The following RYR2 variants were observed in gnomAD, a reference collection of about 807,000 sequenced individuals.
RYR2 encodes cardiac muscle ryanodine receptor-calcium release channel.
Under a neutral mutation model 601.1 loss-of-function variants are expected in RYR2, and 227 were observed. The ratio of observed to expected loss-of-function variants is 0.38; its 90% CI spans 0.34 to 0.42. The LOEUF (loss-of-function observed/expected upper bound fraction) is 0.42. Ranked by LOEUF, RYR2 falls within the 10% of genes least tolerant of loss-of-function variation. The pLI is 1.00. For synonymous variants in RYR2, 2,223 were observed against 2,175.1 expected (o/e 1.02, Z -0.61); for missense variants, 4,646 against 6,156.5 (o/e 0.75, Z 8.21).
At chr1:237,705,488 A>G (rs1040793270) in intron 67 of RYR2, 145 bp downstream of exon 67, 5 of 684,252 alleles carry the variant, frequency 7.3e-6, no homozygotes, top group Admixed American at 2.8e-5. Context: ...TTGGTATTCT[A>G]TGTGATGTAC....
chr1:237,589,225 G>A (rs1378315524), intron 29 of RYR2, among the ~76,000 whole-genome samples: 2 of 152,004 alleles, frequency 1.3e-5, no homozygotes, highest in Non-Finnish European at 2.9e-5. Context: ...CAGAAAAAAA[G>A]CAAAATTTTC....
chr1:237,567,312 G>A (rs116125917), intron 28 of RYR2, among the ~76,000 whole-genome samples: 4,250 of 151,326 alleles, frequency 0.028, 76 homozygotes, highest in Admixed American at 0.045. Context: ...TAATATGGGC[G>A]AGGTGCCTGT....
At chr1:237,063,548 T>A (rs1024382940) in intron 1 of RYR2, among the ~76,000 whole-genome samples, 2 of 152,154 alleles carry the variant, frequency 1.3e-5, no homozygotes, top group East Asian at 3.9e-4. Flanking sequence ...ATTTATCCTC[T>A]CTTTTTGTGC....
At chr1:237,205,552 T>G (rs1350324899) in intron 1 of RYR2, among the ~76,000 whole-genome samples, 1 of 152,070 alleles carries the variant, frequency 6.6e-6, no homozygotes, top group African/African-American at 2.4e-5. Flanking sequence ...TGGTCCAGGG[T>G]GAGGGCCACA....
intron 1 of RYR2, among the ~76,000 whole-genome samples, chr1:237,155,987 T>G (rs764749134): frequency 1.3e-5 from 2 of 152,184 alleles, no homozygotes; most frequent in Non-Finnish European, 2.9e-5. Flanking sequence ...TCCTGGGCAT[T>G]TACCCTGCTG....
At chr1:237,526,636 C>T (rs1342803863) in intron 24 of RYR2, among the ~76,000 whole-genome samples, 1 of 152,184 alleles carries the variant, frequency 6.6e-6, no homozygotes, top group Non-Finnish European at 1.5e-5. Flanking sequence ...CATGAACCAC[C>T]ATGCCTGACC....
chr1:237,573,216 A>G (rs924836942), intron 29 of RYR2, among the ~76,000 whole-genome samples: 8 of 125,618 alleles, frequency 6.4e-5, no homozygotes, highest in Admixed American at 5.6e-4. Context: ...ATTATTATCT[A>G]TGGAGATATA....
Position 237,772,117 on chromosome 1 carries a change from A to G in RYR2, c.11646+17A>G. 2 of 1,317,898 alleles carry G rather than the reference A, an allele frequency of 1.5e-6. No homozygotes were observed. Among genetic ancestry groups the G allele is most frequent in the Non-Finnish European group, 2.1e-6 (2 of 935,526 alleles). 81.6% of individuals were successfully genotyped at this position (1,317,898 alleles called of 1,614,324 possible). A position where few individuals can be genotyped will look rare whatever the true frequency, so the allele number is the denominator to read the frequency against. The stretch of plus-strand genomic sequence containing the variant: ...AGAGTTCAGGTATGTTGCTTTCCAT[A>G]TTAGTAACAAATTAAAAGGGTTGGT... On this transcript the variant is annotated intron_variant, in intron 86 of 104. Coordinates refer to ENST00000366574, the MANE Select transcript of RYR2 (RefSeq NM_001035.3).
At chr1:237,233,985 C>A (rs766605222) in intron 1 of RYR2, among the ~76,000 whole-genome samples, 2 of 152,148 alleles carry the variant, frequency 1.3e-5, no homozygotes, top group Non-Finnish European at 2.9e-5. Context: ...AGCCACTGCA[C>A]CCAGCTGACA....
At chr1:237,097,886 A>T (rs1572623308) in intron 1 of RYR2, among the ~76,000 whole-genome samples, 1 of 152,048 alleles carries the variant, frequency 6.6e-6, no homozygotes, top group East Asian at 1.9e-4. Context: ...AGTGCCCCCA[A>T]TCCTGTTGGC....
intron 47 of RYR2, among the ~76,000 whole-genome samples, chr1:237,641,668 A>C (rs483864): frequency 0.49 from 74,967 of 151,666 alleles, 18,835 homozygotes; most frequent in East Asian, 0.8. Context: ...CAGCCTCCTG[A>C]GTAGCTGGGA....
At chr1:237,687,378 TTTTTTTA>T in intron 62 of RYR2, 70 bp from the exon 63 acceptor site, 1 of 645,596 alleles carries the variant, frequency 1.5e-6, no homozygotes, top group Non-Finnish European at 2.5e-6. Context: ...TTTTTTTTTT[TTTTTTTA>T]ATTTCCCCCT....
chr1:237,783,146 ATCTGG>A (rs1039244991), intron 89 of RYR2, among the ~76,000 whole-genome samples: 2 of 152,098 alleles, frequency 1.3e-5, no homozygotes, highest in Non-Finnish European at 2.9e-5. Context: ...TGCTCTCAGG[ATCTGG>A]TCTGAAGACC....
At chr1:237,095,429 A>G (rs1039210048) in intron 1 of RYR2, among the ~76,000 whole-genome samples, 1 of 152,232 alleles carries the variant, frequency 6.6e-6, no homozygotes, top group Non-Finnish European at 1.5e-5. Flanking sequence ...GTATTTACAA[A>G]AAGTGTAACA....
Position 237,773,859 on chromosome 1 carries a change from A to G in RYR2, c.11775+211A>G, listed in dbSNP as rs147183055. On this transcript the variant is annotated intron_variant, in intron 87 of 104. Transcript: ENST00000366574. ...GAGATATGATTAACTCCTTAGAGGC[A>G]TGGGCTGTGATGTTAGCTCTATTGT... Among the ~76,000 whole-genome samples, 1,641 of 152,246 alleles carry G rather than the reference A, an allele frequency of 0.011. 18 individuals are homozygous for G. Among genetic ancestry groups the G allele is most frequent in the Middle Eastern group, 0.02 (6 of 294 alleles).
In RYR2 at chr1:237,383,417, G is replaced by GTTTTTTTTTTTTTT. The variant is rs10567644; in HGVS notation, c.577-3847_577-3834dup. Among the ~76,000 whole-genome samples, 7 of 50,562 alleles carry GTTTTTTTTTTTTTT rather than the reference G, an allele frequency of 1.4e-4. 1 individual carries two copies. Among genetic ancestry groups the GTTTTTTTTTTTTTT allele is most frequent in the East Asian group, 4.3e-4 (1 of 2,310 alleles). The allele number at this position is 50,562 out of a possible 152,430, so 33.2% of individuals were successfully genotyped here. A position where few individuals can be genotyped will look rare whatever the true frequency, so the allele number is the denominator to read the frequency against. On this transcript the variant is annotated intron_variant, in intron 8 of 104. Transcript: ENST00000366574. ...TTTACATTTTCTTTTCTTTTTTCTT[G>GTTTTTTTTTTTTTT]TTTTTTTTTTTTTTTTTTTTTTTTT...
At chr1:237,455,802 A>G (rs1658739993) in intron 15 of RYR2, among the ~76,000 whole-genome samples, 1 of 152,186 alleles carries the variant, frequency 6.6e-6, no homozygotes, top group Non-Finnish European at 1.5e-5. Context: ...AACCAATAAT[A>G]ACGTGGACTA....
At chr1:237,725,802 T>C (rs1370019522) in intron 74 of RYR2, among the ~76,000 whole-genome samples, 1 of 152,222 alleles carries the variant, frequency 6.6e-6, no homozygotes, top group East Asian at 1.9e-4. Context: ...GTTGGATTTT[T>C]ACTGTATCTT....
At chr1:237,240,557 A>G (rs1686037274) in intron 1 of RYR2, among the ~76,000 whole-genome samples, 1 of 151,332 alleles carries the variant, frequency 6.6e-6, no homozygotes, top group South Asian at 2.1e-4. Flanking sequence ...AGCGTGTTCT[A>G]CTAGATGTCA....
Sources: allele counts gnomAD v4.1 joint callset (sites outside exome capture counted in the v4.1 genomes callset), GRCh38; gene constraint gnomAD v4.1.1; transcripts MANE v1.5; gene names NCBI Gene and HGNC (gene_info 2026-07-23, HGNC 2026-07-21).